KANSL1: variants seen among roughly 807,000 people sequenced by gnomAD.
KANSL1 encodes MLL1/MLL complex subunit KANSL1.
Under a neutral mutation model 103.6 loss-of-function variants are expected in KANSL1, and 22 were observed. That is an observed-to-expected ratio of 0.21 (90% confidence interval 0.15 to 0.30). KANSL1 has a LOEUF of 0.30. Ranked by LOEUF, KANSL1 falls within the 10% of genes least tolerant of loss-of-function variation. The pLI is 1.00. For synonymous variants in KANSL1, 600 were observed against 527.6 expected (o/e 1.14, Z -1.88); for missense variants, 1,337 against 1,399.8 (o/e 0.96, Z 0.72).
intron 2 of KANSL1, among the ~76,000 whole-genome samples, chr17:46,164,346 C>T (rs1459808820): frequency 6.6e-6 from 1 of 152,202 alleles, no homozygotes; most frequent in Admixed American, 6.5e-5. Context: ...TCACTACCTA[C>T]GTTTCTTCTC....
intron 7 of KANSL1, among the ~76,000 whole-genome samples, chr17:46,047,509 G>A (rs753318301): frequency 5.3e-5 from 8 of 152,146 alleles, no homozygotes; most frequent in Non-Finnish European, 8.8e-5. Context: ...AGTTCAGGCC[G>A]GGCGTGGTGG....
chr17:46,077,295 C>G (rs749661889), intron 4 of KANSL1, among the ~76,000 whole-genome samples: 2 of 152,178 alleles, frequency 1.3e-5, no homozygotes, highest in Non-Finnish European at 2.9e-5. Flanking sequence ...TCAAGCGACC[C>G]GCCCACCTTG....
intron 1 of KANSL1, among the ~76,000 whole-genome samples, chr17:46,174,210 G>C (rs1316542196): frequency 1.3e-5 from 2 of 152,208 alleles, no homozygotes; most frequent in African/African-American, 2.4e-5. Context: ...GTGTTTAACA[G>C]AGTCTTGCTC....
chr17:46,093,598 C>G (rs552859930), intron 3 of KANSL1: 3 of 152,774 alleles, frequency 2.0e-5, no homozygotes, highest in East Asian at 3.9e-4. Flanking sequence ...ACTTCAAACC[C>G]TGATCATTCT....
intron 7 of KANSL1, among the ~76,000 whole-genome samples, chr17:46,048,727 T>C (rs2077601109): frequency 1.3e-5 from 2 of 152,202 alleles, no homozygotes; most frequent in African/African-American, 2.4e-5. Flanking sequence ...GGTTTCAAAA[T>C]GTCTTTGCTC....
At chr17:46,088,109 G>GAA (rs2146883718) in intron 3 of KANSL1, among the ~76,000 whole-genome samples, 1 of 152,332 alleles carries the variant, frequency 6.6e-6, no homozygotes, top group African/African-American at 2.4e-5. Context: ...CACAGGCCTA[G>GAA]AAAACTCCAA....
intron 7 of KANSL1, among the ~76,000 whole-genome samples, chr17:46,048,603 T>C (rs1280997629): frequency 1.3e-5 from 2 of 151,886 alleles, no homozygotes; most frequent in Non-Finnish European, 2.9e-5. Context: ...AACCCACCAG[T>C]GATTTGAGAG....
chr17:46,196,243 A>C, upstream of KANSL1: 3 of 444,550 alleles, frequency 6.7e-6, no homozygotes, highest in Middle Eastern at 1.0e-3. Flanking sequence ...CTCAAAATGA[A>C]AAGTGATAAA....
intron 7 of KANSL1, chr17:46,044,730 A>G (rs1032615329): frequency 1.3e-5 from 2 of 152,172 alleles, no homozygotes; most frequent in African/African-American, 4.8e-5. Context: ...GTTGGCTATA[A>G]CACAGTCCCT....
chr17:46,091,202 C>CA (rs1226695154), intron 3 of KANSL1, among the ~76,000 whole-genome samples: 1 of 151,926 alleles, frequency 6.6e-6, no homozygotes, highest in East Asian at 1.9e-4. Context: ...TAGTTTTTAG[C>CA]AAAACAGTTT....
At chr17:46,136,884 A>G (rs977342105) in intron 2 of KANSL1, among the ~76,000 whole-genome samples, 6 of 152,250 alleles carry the variant, frequency 3.9e-5, no homozygotes, top group African/African-American at 1.4e-4. Context: ...ATGTGTATAA[A>G]TTAAAAAACA....
At chr17:46,188,208 A>C (rs1348517192) in intron 1 of KANSL1, among the ~76,000 whole-genome samples, 2 of 152,258 alleles carry the variant, frequency 1.3e-5, no homozygotes, top group Non-Finnish European at 2.9e-5. Flanking sequence ...GATAGCCTTC[A>C]AACGCTGGTG....
At chr17:46,161,250 TAAAAAAAA>T (rs534754110) in intron 2 of KANSL1, among the ~76,000 whole-genome samples, 20,421 of 79,594 alleles carry the variant, frequency 0.26, 1,963 homozygotes, top group Middle Eastern at 0.36. Flanking sequence ...CCACCTCTAC[TAAAAAAAA>T]AAAAAAAAAA....
intron 2 of KANSL1, among the ~76,000 whole-genome samples, chr17:46,117,255 C>G (rs111880194): frequency 0.14 from 21,680 of 152,004 alleles, 2,128 homozygotes; most frequent in Non-Finnish European, 0.22. Context: ...CCATGCTGAA[C>G]AGCCATGTGC....
chr17:46,117,890 C>A lies in KANSL1; in HGVS notation c.1290-23189G>T, dbSNP rs1255452361. ...AAAAGAAATACACTACTAAATCAAC[C>A]AAATAAAATAATCCAAGAATGTCTT... On this transcript the variant is annotated intron_variant, in intron 2 of 14. Transcript: ENST00000432791. Among the ~76,000 whole-genome samples the A allele has an allele frequency of 2.0e-5, 3 of 152,058 alleles. No individual in the cohort carries two copies. In the South Asian group the frequency reaches 6.2e-4, roughly 32 times the overall value.
At chr17:46,133,640 C>T (rs1432094845) in intron 2 of KANSL1, among the ~76,000 whole-genome samples, 3 of 152,174 alleles carry the variant, frequency 2.0e-5, no homozygotes, top group African/African-American at 7.2e-5. Context: ...TTTATAAAAG[C>T]TCAATGACAA....
intron 6 of KANSL1, among the ~76,000 whole-genome samples, chr17:46,051,193 C>T (rs2077700696): frequency 6.6e-6 from 1 of 152,198 alleles, no homozygotes; most frequent in Non-Finnish European, 1.5e-5. Flanking sequence ...CACACCTCTT[C>T]TTCAAAAGAC....
intron 4 of KANSL1, among the ~76,000 whole-genome samples, chr17:46,071,150 C>A (rs2078563199): frequency 6.6e-6 from 1 of 152,168 alleles, no homozygotes; most frequent in Non-Finnish European, 1.5e-5. Context: ...AAACCTGAAT[C>A]TTCCTGGAGT....
intron 2 of KANSL1, among the ~76,000 whole-genome samples, chr17:46,106,023 G>C (rs1371454376): frequency 2.0e-5 from 3 of 151,888 alleles, no homozygotes; most frequent in African/African-American, 7.3e-5. Flanking sequence ...TACTACCCCA[G>C]TCCCACATAT....
Sources: gnomAD v4.1 joint callset for allele counts (sites outside exome capture counted in the v4.1 genomes callset) on GRCh38, gnomAD v4.1.1 for gene constraint, MANE v1.5 for transcripts, NCBI Gene and HGNC (gene_info 2026-07-23, HGNC 2026-07-21) for gene names.